The following RB1CC1 variants were observed in gnomAD, a reference collection of about 807,000 sequenced individuals.
RB1CC1 encodes RB1 inducible coiled-coil 1.
Under a neutral mutation model 177.5 loss-of-function variants are expected in RB1CC1, and 46 were observed. The ratio of observed to expected loss-of-function variants is 0.26; its 90% CI spans 0.20 to 0.33. RB1CC1 has a LOEUF of 0.33. Among genes scored for constraint, RB1CC1 ranks in the 10% least tolerant of loss-of-function variants. The probability of loss-of-function intolerance (pLI) is 1.00; values close to 1 mark genes in which losing one functional copy is unlikely to be tolerated. For synonymous variants in RB1CC1, 666 were observed against 613.6 expected (o/e 1.09, Z -1.26); for missense variants, 1,703 against 1,816.3 (o/e 0.94, Z 1.13).
chr8:52,643,883 G>A (rs1212470774), intron 16 of RB1CC1, among the ~76,000 whole-genome samples: 1 of 151,568 alleles, frequency 6.6e-6, no homozygotes, highest in South Asian at 2.1e-4. Context: ...CTGGCAATAG[G>A]GAGATTTAGG....
At chr8:52,661,047 A>C (rs1252620615) in intron 10 of RB1CC1, 40 bp from the exon 11 acceptor site, 1 of 1,610,920 alleles carries the variant, frequency 6.2e-7, no homozygotes, top group Non-Finnish European at 8.5e-7. Context: ...AACATACACC[A>C]ATTCGTTAAA....
intron 21 of RB1CC1, among the ~76,000 whole-genome samples, chr8:52,629,521 C>A (rs978807913): frequency 6.6e-6 from 1 of 152,178 alleles, no homozygotes; most frequent in Non-Finnish European, 1.5e-5. Context: ...TAAATTTAAC[C>A]TGAAAGACCG....
chr8:52,711,083 AAACT>A (rs1212992856), intron 1 of RB1CC1, among the ~76,000 whole-genome samples: 1 of 152,176 alleles, frequency 6.6e-6, no homozygotes, highest in Non-Finnish European at 1.5e-5. Context: ...TCAAAAGAGC[AAACT>A]AACGGGTAGA....
intron 1 of RB1CC1, among the ~76,000 whole-genome samples, chr8:52,696,739 A>C (rs903236682): frequency 1.3e-5 from 2 of 152,224 alleles, no homozygotes; most frequent in African/African-American, 4.8e-5. Context: ...ACAGTGGCTC[A>C]TGCCTGTAAT....
At position 52,628,175 on chromosome 8, in the gene RB1CC1, A is replaced by G. The variant is rs1251536057; in HGVS notation, c.4500-7T>C. Reference sequence around the variant, plus strand: ...CAAATCTCCCACCTGAAAACTGAATAAAGAAATGCAATTTTATTGACTTAG... The same window carrying G: ...CAAATCTCCCACCTGAAAACTGAATGAAGAAATGCAATTTTATTGACTTAG... On this transcript the variant is annotated splice_polypyrimidine_tract_variant and splice_region_variant and intron_variant, in intron 21 of 23. Coordinates refer to ENST00000025008, the MANE Select transcript of RB1CC1 (RefSeq NM_014781.5). The G allele has an allele frequency of 1.2e-6, 2 of 1,605,046 alleles. No individual in the cohort carries two copies. Among genetic ancestry groups the G allele is most frequent in the African/African-American group, 1.3e-5 (1 of 74,566 alleles).
At chr8:52,662,360 T>C (rs1298721086) in intron 8 of RB1CC1, among the ~76,000 whole-genome samples, 2 of 152,054 alleles carry the variant, frequency 1.3e-5, no homozygotes, top group South Asian at 2.1e-4. Flanking sequence ...GAACGGTGTA[T>C]CTGTCAAGTA....
chr8:52,710,984 G>T (rs1197256225), intron 1 of RB1CC1, among the ~76,000 whole-genome samples: 1 of 151,946 alleles, frequency 6.6e-6, no homozygotes, highest in Non-Finnish European at 1.5e-5. Context: ...AAAATGAGTG[G>T]ACAGTCTCAA....
intron 1 of RB1CC1, among the ~76,000 whole-genome samples, chr8:52,713,640 G>C (rs759033487): frequency 4.6e-4 from 70 of 152,216 alleles, no homozygotes; most frequent in Non-Finnish European, 7.6e-4. Flanking sequence ...ACAGAATTAA[G>C]GGCTGATCCC....
At chr8:52,702,139 T>G (rs1401424023) in intron 1 of RB1CC1, among the ~76,000 whole-genome samples, 5 of 152,182 alleles carry the variant, frequency 3.3e-5, no homozygotes, top group Non-Finnish European at 7.3e-5. Context: ...TAGCTGTTAT[T>G]TCAACCCTGG....
intron 1 of RB1CC1, among the ~76,000 whole-genome samples, chr8:52,689,268 T>G (rs1443178278): frequency 6.6e-6 from 1 of 152,228 alleles, no homozygotes; most frequent in Non-Finnish European, 1.5e-5. Context: ...TATCCTAGAT[T>G]TGTCTTCCTC....
At chr8:52,702,151 T>A (rs1296028244) in intron 1 of RB1CC1, among the ~76,000 whole-genome samples, 1 of 152,222 alleles carries the variant, frequency 6.6e-6, no homozygotes, top group African/African-American at 2.4e-5. Flanking sequence ...CAACCCTGGA[T>A]TATTAATCTT....
chr8:52,645,660 C>T (rs917444390), intron 16 of RB1CC1, 42 bp downstream of exon 16: 1 of 1,571,868 alleles, frequency 6.4e-7, no homozygotes, highest in Non-Finnish European at 8.7e-7. Context: ...TTTATGTCTA[C>T]CTTCTTTAGT....
Position 52,661,087 on chromosome 8 carries a change from T to A in RB1CC1, c.1545+8A>T. ...ATATACAGTTAAAATAGAATTCAAC[T>A]TGCATACCTCCCTGTAGTGTTTTAT... On this transcript the variant is annotated splice_region_variant and intron_variant, in intron 10 of 23. Coordinates refer to ENST00000025008, the MANE Select transcript of RB1CC1 (RefSeq NM_014781.5). 2 of 1,611,718 alleles carry A rather than the reference T, an allele frequency of 1.2e-6. No individual in the cohort carries two copies. The highest frequency in any genetic ancestry group is 1.7e-6 in the Non-Finnish European group (2 of 1,179,090).
chr8:52,642,875 A>G (rs1849701586), intron 16 of RB1CC1, 63 bp from the exon 17 acceptor site: 10 of 1,388,172 alleles, frequency 7.2e-6, no homozygotes, highest in Non-Finnish European at 2.8e-6. Context: ...GACTTAGAAA[A>G]TACACTTGCA....
intron 8 of RB1CC1, among the ~76,000 whole-genome samples, chr8:52,666,460 G>T (rs1852075617): frequency 6.6e-6 from 1 of 151,834 alleles, no homozygotes; most frequent in Admixed American, 6.6e-5. Context: ...AGACGTTGCA[G>T]TGAGACGAGA....
chr8:52,668,389 T>C (rs1045563823), intron 7 of RB1CC1, among the ~76,000 whole-genome samples, 198 bp from the exon 8 acceptor site: 5 of 152,210 alleles, frequency 3.3e-5, no homozygotes, highest in African/African-American at 1.2e-4. Context: ...GAATTTACAC[T>C]AGAATACATA....
intron 7 of RB1CC1, 108 bp from the exon 8 acceptor site, chr8:52,668,299 T>C: frequency 1.5e-6 from 2 of 1,299,936 alleles, no homozygotes; most frequent in Admixed American, 2.5e-5. Flanking sequence ...ATAAAAGATA[T>C]AAAAAAGCAA....
intron 1 of RB1CC1, among the ~76,000 whole-genome samples, chr8:52,692,032 T>C (rs1363754166): frequency 6.6e-6 from 1 of 152,104 alleles, no homozygotes; most frequent in Non-Finnish European, 1.5e-5. Flanking sequence ...ATCATTAGGG[T>C]TTCCATTTGC....
intron 8 of RB1CC1, among the ~76,000 whole-genome samples, chr8:52,664,604 C>T (rs927191975): frequency 2.0e-5 from 3 of 152,032 alleles, no homozygotes; most frequent in Admixed American, 6.6e-5. Flanking sequence ...CACAAGACAA[C>T]AAAAACTAAT....
Sources: allele counts gnomAD v4.1 joint callset (sites outside exome capture counted in the v4.1 genomes callset), GRCh38; gene constraint gnomAD v4.1.1; transcripts MANE v1.5; gene names NCBI Gene and HGNC (gene_info 2026-07-23, HGNC 2026-07-21).